Variants in MED31 observed in about 807,000 individuals in gnomAD.
MED31 encodes the protein mediator of RNA polymerase II transcription subunit 31.
MED31 carries 11 observed loss-of-function variants against 22.0 expected under a neutral mutation model. The ratio of observed to expected loss-of-function variants is 0.50; its 90% CI spans 0.31 to 0.83. The LOEUF (loss-of-function observed/expected upper bound fraction) is 0.83, where lower values mean the gene tolerates loss of function less well. MED31 is among the 40% of genes least tolerant of loss of function. The pLI, the probability that MED31 is intolerant of heterozygous loss-of-function variation, is 0.04. For synonymous variants in MED31, 60 were observed against 55.1 expected (o/e 1.09, Z -0.40); for missense variants, 122 against 155.3 (o/e 0.79, Z 1.14).
At chr17:6,649,909 G>C (rs916603398) in intron 3 of MED31, 73 bp downstream of exon 3, 5 of 1,350,122 alleles carry the variant, frequency 3.7e-6, no homozygotes, top group Non-Finnish European at 4.9e-6. Flanking sequence ...ATACATTTTT[G>C]CCAATGTGAA....
At chr17:6,646,507 C>T (rs1478273537) in intron 3 of MED31, among the ~76,000 whole-genome samples, 2 of 152,160 alleles carry the variant, frequency 1.3e-5, no homozygotes, top group East Asian at 3.8e-4. Flanking sequence ...GTAAATTTAG[C>T]CCCAACTCTG....
Position 6,651,508 on chromosome 17 carries a change from C to T in MED31, c.21G>A (p.Met7Ile), listed in dbSNP as rs1972835345. 1 of 1,614,140 alleles carries T rather than the reference C, an allele frequency of 6.2e-7. No individual in the cohort carries two copies. The highest frequency in any genetic ancestry group is 8.5e-7 in the Non-Finnish European group (1 of 1,180,018). Residue 7 changes from methionine to isoleucine, a missense_variant, in exon 1 of 4, where the codon ATG (methionine) becomes ATA (isoleucine). Met to Ile is a conservative substitution (Grantham distance 10). Transcript: ENST00000225728. ...GATCAGAGAGCTACTCACCTGTCTC[C>T]ATAGCGACAGCAGCGGCCATAACAA... Reference protein sequence around the residue: MAAAVAMETDDAGNRLR... With the variant: MAAAVAIETDDAGNRLR...
At position 6,651,561 on chromosome 17, in the gene MED31, G is replaced by T; in HGVS notation, c.-33C>A. Reference sequence around the variant, plus strand: ...GAAGACACCAAAACGCCACCAGCCTGACAGAGCAAAAGCCCAGAGACGCGG... The same window carrying T: ...GAAGACACCAAAACGCCACCAGCCTTACAGAGCAAAAGCCCAGAGACGCGG... On this transcript the variant is annotated 5_prime_UTR_variant, in exon 1 of 4. Coordinates refer to ENST00000225728, the MANE Select transcript of MED31 (RefSeq NM_016060.3). 6.2e-7 allele frequency: 1 copy of T among 1,613,848 alleles called. No homozygotes were observed. Among genetic ancestry groups the T allele is most frequent in the Non-Finnish European group, 8.5e-7 (1 of 1,179,872 alleles).
chr17:6,644,939 C>T (rs2150947694), intron 3 of MED31, among the ~76,000 whole-genome samples: 1 of 152,324 alleles, frequency 6.6e-6, no homozygotes, highest in Non-Finnish European at 1.5e-5. Flanking sequence ...TAGGGACAAA[C>T]CATGCTATTC....
Position 6,650,020 on chromosome 17 carries a change from C to G in MED31, c.165G>C (p.Leu55Phe). Residue 55 changes from leucine (L) to phenylalanine (F), a missense_variant, in exon 3 of 4, where the codon TTG (leucine) becomes TTC (phenylalanine). Transcript: ENST00000225728. Reference sequence around the variant, plus strand: ...CATATTCTGGGTCTTTCCAGTAAAGCAAGTATTTAAGATAATTAACAAAAG... The same window carrying G: ...CATATTCTGGGTCTTTCCAGTAAAGGAAGTATTTAAGATAATTAACAAAAG... ...DKAFVNYLKY[L>F]LYWKDPEYAK... The G allele has an allele frequency of 6.2e-7, 1 of 1,603,992 alleles. No homozygotes were observed. Among genetic ancestry groups the G allele is most frequent in the Admixed American group, 1.7e-5 (1 of 57,828 alleles).
Position 6,644,485 on chromosome 17 carries a change from A to AT in MED31, c.377dup (p.Asn126LysfsTer2). On this transcript the variant is annotated frameshift_variant, in exon 4 of 4. Coordinates refer to ENST00000225728, the MANE Select transcript of MED31 (RefSeq NM_016060.3). LOFTEE classifies it high-confidence loss of function. The stretch of plus-strand genomic sequence containing the variant: ...CAGTTTTTCATTTTCCCGATGTGTT[A>AT]TTTTGCTGTTGCTGCTCTGCCAAGG... 1 of 1,603,346 alleles carries AT rather than the reference A, an allele frequency of 6.2e-7. No individual in the cohort carries two copies. The highest frequency in any genetic ancestry group is 8.5e-7 in the Non-Finnish European group (1 of 1,175,956).
In MED31 at chr17:6,651,339, CAA is replaced by C. The variant is rs977640703; in HGVS notation, c.28+160_28+161del. 4 of 988,006 alleles carry C rather than the reference CAA, an allele frequency of 4.0e-6. No individual in the cohort carries two copies. The African/African-American group carries it at 6.6e-5, about 16-fold the overall frequency. 61.2% of individuals were successfully genotyped at this position (988,006 alleles called of 1,614,324 possible). A position where few individuals can be genotyped will look rare whatever the true frequency, so the allele number is the denominator to read the frequency against. ...CGAACAAACCAAATCAGGAAAACTG[CAA>C]AGAGTACCTTAGTCTTTCTAGACGC... is the stretch of plus-strand genomic sequence containing the variant. On this transcript the variant is annotated intron_variant, in intron 1 of 3. Transcript: ENST00000225728.
intron 3 of MED31, among the ~76,000 whole-genome samples, chr17:6,648,410 AG>A (rs1972789141): frequency 6.6e-6 from 1 of 152,254 alleles, no homozygotes; most frequent in Non-Finnish European, 1.5e-5. Flanking sequence ...GCCAAGTGGT[AG>A]AAAGTGTCTC....
chr17:6,644,418 AG>A lies in MED31; in HGVS notation c.*48del. 6.7e-7 allele frequency: 1 copy of A among 1,502,242 alleles called. No homozygotes were observed. Among genetic ancestry groups the A allele is most frequent in the South Asian group, 1.4e-5 (1 of 71,582 alleles). 93.1% of individuals were successfully genotyped at this position (1,502,242 alleles called of 1,614,324 possible). The stretch of plus-strand genomic sequence containing the variant: ...ATTTTTTTTGTCTTCACTGTACAAA[AG>A]AAATACATTATATACATGTATTAAG... On this transcript the variant is annotated 3_prime_UTR_variant, in exon 4 of 4. Transcript: ENST00000225728.
At position 6,651,500 on chromosome 17, in the gene MED31, C is replaced by A. The variant is rs771403400; in HGVS notation, c.28+1G>T. 1 of 1,614,178 alleles carries A rather than the reference C, an allele frequency of 6.2e-7. No homozygotes were observed. The highest frequency in any genetic ancestry group is 2.2e-5 in the East Asian group (1 of 44,886). On this transcript the variant is annotated splice_donor_variant, in intron 1 of 3. Transcript: ENST00000225728. LOFTEE classifies it high-confidence loss of function. ...GACTCCAAGATCAGAGAGCTACTCA[C>A]CTGTCTCCATAGCGACAGCAGCGGC...
rs757766547 is a variant in MED31 at position 6,651,561 on chromosome 17, G to A, written c.-33C>T. ...GAAGACACCAAAACGCCACCAGCCT[G>A]ACAGAGCAAAAGCCCAGAGACGCGG... On this transcript the variant is annotated 5_prime_UTR_variant, in exon 1 of 4. Coordinates refer to ENST00000225728, the MANE Select transcript of MED31 (RefSeq NM_016060.3). The A allele has an allele frequency of 1.2e-6, 2 of 1,613,850 alleles. No individual in the cohort carries two copies. The highest frequency in any genetic ancestry group is 1.7e-6 in the Non-Finnish European group (2 of 1,179,874).
At chr17:6,651,199 C>A in intron 1 of MED31, 1 of 273,340 alleles carries the variant, frequency 3.7e-6, no homozygotes, top group Non-Finnish European at 6.9e-6. Context: ...TAGGCAAGCT[C>A]ATGTGAGAAG....
At position 6,651,402 on chromosome 17, in the gene MED31, A is replaced by G; in HGVS notation, c.28+99T>C. 7 of 1,469,524 alleles carry G rather than the reference A, an allele frequency of 4.8e-6. No homozygotes were observed. The South Asian group carries it at 8.4e-5, about 18-fold the overall frequency. The allele number at this position is 1,469,524 out of a possible 1,614,324, so 91.0% of individuals were successfully genotyped here. ...TTCTCTCCTCTCTGTCCAAATATTA[A>G]CCCTGCCAAGAGTAAGGCCTGGAAG... On this transcript the variant is annotated intron_variant, in intron 1 of 3. Coordinates refer to ENST00000225728, the MANE Select transcript of MED31 (RefSeq NM_016060.3).
intron 3 of MED31, among the ~76,000 whole-genome samples, chr17:6,649,327 T>C (rs1192858185): frequency 6.6e-6 from 1 of 151,506 alleles, no homozygotes; most frequent in South Asian, 2.1e-4. Flanking sequence ...ACGACCTGAA[T>C]GGTAAATATA....
intron 3 of MED31, among the ~76,000 whole-genome samples, chr17:6,649,534 C>T (rs1364268153): frequency 6.6e-6 from 1 of 152,050 alleles, no homozygotes; most frequent in Non-Finnish European, 1.5e-5. Flanking sequence ...ATTGTGAGTT[C>T]TTAGGGACCA....
chr17:6,644,308 G>T lies in MED31; in HGVS notation c.*159C>A. On this transcript the variant is annotated 3_prime_UTR_variant, in exon 4 of 4. Transcript: ENST00000225728. ...GAACAATTCAGGTTTAACAGAAATAGTCTATTAACAATAAAAAGTTGGATG... is the reference window on the plus strand; with the variant it reads ...GAACAATTCAGGTTTAACAGAAATATTCTATTAACAATAAAAAGTTGGATG... 1 of 739,302 alleles carries T rather than the reference G, an allele frequency of 1.4e-6. No homozygotes were observed. Among genetic ancestry groups the T allele is most frequent in the Non-Finnish European group, 2.0e-6 (1 of 501,146 alleles). 45.8% of individuals were successfully genotyped at this position (739,302 alleles called of 1,614,324 possible).
chr17:6,647,946 A>G (rs1424436222), intron 3 of MED31, among the ~76,000 whole-genome samples: 1 of 152,250 alleles, frequency 6.6e-6, no homozygotes, highest in Non-Finnish European at 1.5e-5. Flanking sequence ...ATACTCTGAT[A>G]GGCTACAAGT....
In MED31 at chr17:6,651,517, A is replaced by G. The variant is rs761680807; in HGVS notation, c.12T>C (p.Ala4=). The G allele has an allele frequency of 5.6e-6, 9 of 1,614,004 alleles. No homozygotes were observed. The African/African-American group carries it at 9.3e-5, about 17-fold the overall frequency. The part of the protein sequence containing the change: MAA[A]VAMETDDAGN... ...GCTACTCACCTGTCTCCATAGCGAC[A>G]GCAGCGGCCATAACAAACGAAGACA... Residue 4 remains alanine (A), a synonymous_variant, in exon 1 of 4, where the codon GCT becomes GCC. Coordinates refer to ENST00000225728, the MANE Select transcript of MED31 (RefSeq NM_016060.3).
chr17:6,651,135 A>AAAAAAAAAAAAAAAAAAAAG (rs1597635335), intron 1 of MED31, among the ~76,000 whole-genome samples: 1 of 149,486 alleles, frequency 6.7e-6, no homozygotes, highest in Non-Finnish European at 1.5e-5. Flanking sequence ...AAAAAAAAAA[A>AAAAAAAAAAAAAAAAAAAAG]AAGAAGCACC....
Sources: allele counts gnomAD v4.1 joint callset (sites outside exome capture counted in the v4.1 genomes callset), GRCh38; gene constraint gnomAD v4.1.1; transcripts MANE v1.5; gene names NCBI Gene and HGNC (gene_info 2026-07-23, HGNC 2026-07-21).